Variants in GLB1L2 observed in about 807,000 individuals in gnomAD.
GLB1L2 encodes the protein galactosidase beta 1 like 2.
A neutral mutation model predicts 84.1 loss-of-function variants in GLB1L2; 68 were observed. The observed-to-expected ratio is 0.81, with a 90% confidence interval of 0.67 to 0.99. The LOEUF (loss-of-function observed/expected upper bound fraction) is 0.99. GLB1L2 is among the 50% of genes least tolerant of loss of function. GLB1L2 has a pLI of 0.00. For missense variants in GLB1L2, 762 were observed against 805.6 expected (o/e 0.95, Z 0.66); for synonymous variants, 290 against 318.0 (o/e 0.91, Z 0.94).
At position 134,367,283 on chromosome 11, in the gene GLB1L2, G is replaced by C. The variant is rs1175272930; in HGVS notation, c.831G>C (p.Glu277Asp). Residue 277 changes from glutamate to aspartate, a missense_variant, in exon 9 of 19, where the codon GAG becomes GAC. By Grantham distance (45) the Glu-to-Asp change is conservative. Coordinates refer to ENST00000535456, the MANE Select transcript of GLB1L2 (RefSeq NM_001370461.1). ...VQGTQPKMVMEYWTGWFDSWG... is the reference protein window; with the variant it reads ...VQGTQPKMVMDYWTGWFDSWG... ...GGACTCAGCCCAAGATGGTGATGGA[G>C]TACTGGACGGGGTGGTTTGACTCGT... The C allele has an allele frequency of 6.2e-7, 1 of 1,614,164 alleles. No homozygotes were observed. Among genetic ancestry groups the C allele is most frequent in the Non-Finnish European group, 8.5e-7 (1 of 1,180,008 alleles).
chr11:134,359,794 C>G (rs966133550), intron 7 of GLB1L2: 15 of 152,414 alleles, frequency 9.8e-5, no homozygotes, highest in African/African-American at 3.4e-4. Flanking sequence ...CCTAGCTGAG[C>G]TCACCTCCTG....
At chr11:134,367,503 C>T (rs944064030) in intron 9 of GLB1L2, among the ~76,000 whole-genome samples, 162 bp downstream of exon 9, 4 of 152,178 alleles carry the variant, frequency 2.6e-5, no homozygotes, top group African/African-American at 4.8e-5. Flanking sequence ...TTTGTCTTGA[C>T]ACTTGGATGA....
chr11:134,349,708 C>T (rs1163455758), intron 5 of GLB1L2, among the ~76,000 whole-genome samples: 1 of 152,162 alleles, frequency 6.6e-6, no homozygotes, highest in Non-Finnish European at 1.5e-5. Flanking sequence ...CTTTCATGTG[C>T]TGATTGGTCT....
chr11:134,356,923 G>T (rs1189620820), intron 6 of GLB1L2, among the ~76,000 whole-genome samples: 1 of 152,228 alleles, frequency 6.6e-6, no homozygotes, highest in Non-Finnish European at 1.5e-5. Flanking sequence ...TCTGCTTTCT[G>T]TCCCTTAGTA....
chr11:134,345,885 G>A lies in GLB1L2; in HGVS notation c.449+756G>A, dbSNP rs902558408. 5.9e-4 allele frequency among the ~76,000 whole-genome samples: 90 copies of A among 152,188 alleles called. 1 individual carries two copies. Among genetic ancestry groups the A allele is most frequent in the Admixed American group, 3.3e-4 (5 of 15,286 alleles). On this transcript the variant is annotated intron_variant, in intron 4 of 18. Coordinates refer to ENST00000535456, the MANE Select transcript of GLB1L2 (RefSeq NM_001370461.1). ...GTTTTGTCTTCCTATCTCGGCCCAC[G>A]TGTGTCATCTTCCCAGTGCTAGTCT...
chr11:134,348,747 CAAAG>C (rs1379434739), intron 5 of GLB1L2, among the ~76,000 whole-genome samples: 2 of 152,136 alleles, frequency 1.3e-5, no homozygotes, highest in African/African-American at 2.4e-5. Flanking sequence ...GGCTTACAGA[CAAAG>C]AAATTCATTT....
chr11:134,368,560 G>A (rs918904275), intron 9 of GLB1L2, 84 bp from the exon 10 acceptor site: 9 of 1,459,846 alleles, frequency 6.2e-6, no homozygotes, highest in Non-Finnish European at 8.5e-6. Flanking sequence ...GGTGGGACTG[G>A]GAAAGAGGAG....
chr11:134,354,930 C>T (rs1043268778), intron 5 of GLB1L2, among the ~76,000 whole-genome samples: 51 of 152,206 alleles, frequency 3.4e-4, no homozygotes, highest in African/African-American at 1.2e-3. Flanking sequence ...AATAATCTCC[C>T]TGCCCTTTTA....
intron 5 of GLB1L2, among the ~76,000 whole-genome samples, chr11:134,353,175 G>A (rs1943656236): frequency 6.6e-6 from 1 of 152,050 alleles, no homozygotes; most frequent in Non-Finnish European, 1.5e-5. Context: ...TTGGGAGGCC[G>A]AGGCAAGTGG....
In GLB1L2 at chr11:134,334,879, C is replaced by G. The variant is rs555930946; in HGVS notation, c.86+2732C>G. 3.9e-5 allele frequency among the ~76,000 whole-genome samples: 6 copies of G among 152,302 alleles called. No homozygotes were observed. The East Asian group carries it at 1.2e-3, about 29-fold the overall frequency. ...GCCTTTCATTCTCTTCCTATTCGCA[C>G]TCCATGAACACAAGAATGCCTGCTT... On this transcript the variant is annotated intron_variant, in intron 1 of 18. Coordinates refer to ENST00000535456, the MANE Select transcript of GLB1L2 (RefSeq NM_001370461.1). The surrounding 1 kb of genome is among the most constrained non-coding windows in gnomAD (Gnocchi z 4.1).
rs1174717890 is a variant in GLB1L2 at position 134,339,095 on chromosome 11, A to G, written c.87-3659A>G. 6.6e-6 allele frequency among the ~76,000 whole-genome samples: 1 copy of G among 152,172 alleles called. No homozygotes were observed. Among genetic ancestry groups the G allele is most frequent in the Non-Finnish European group, 1.5e-5 (1 of 68,016 alleles). ...CAGGTGTTCCTGGTTTCATCAGATA[A>G]AGGTCCATCGTGGATGAACTGCTCC... On this transcript the variant is annotated intron_variant, in intron 1 of 18. Transcript: ENST00000535456. The surrounding 1 kb of genome is among the most constrained non-coding windows in gnomAD (Gnocchi z 5.7).
chr11:134,374,772 C>T, intron 18 of GLB1L2, 54 bp downstream of exon 18: 1 of 1,444,052 alleles, frequency 6.9e-7, no homozygotes, highest in Non-Finnish European at 9.7e-7. Flanking sequence ...CACCTGCCGT[C>T]CCAGGGAGCC....
chr11:134,333,816 A>G (rs980175511), intron 1 of GLB1L2, among the ~76,000 whole-genome samples: 1 of 152,216 alleles, frequency 6.6e-6, no homozygotes, highest in African/African-American at 2.4e-5. Flanking sequence ...AAAGAGCTGC[A>G]ACCAAATTCT....
intron 4 of GLB1L2, 40 bp from the exon 5 acceptor site, chr11:134,347,285 T>C (rs766599459): frequency 8.0e-6 from 12 of 1,491,626 alleles, no homozygotes; most frequent in Non-Finnish European, 1.1e-5. Flanking sequence ...AAACCCACTG[T>C]GACACTAACA....
chr11:134,350,656 G>C (rs1943614605), intron 5 of GLB1L2, among the ~76,000 whole-genome samples: 1 of 152,178 alleles, frequency 6.6e-6, no homozygotes, highest in African/African-American at 2.4e-5. Flanking sequence ...TTAAAATTTC[G>C]TGTTCCAGCA....
chr11:134,362,636 G>A (rs547897326), intron 7 of GLB1L2, among the ~76,000 whole-genome samples: 4 of 152,330 alleles, frequency 2.6e-5, no homozygotes, highest in East Asian at 1.9e-4. Context: ...GGGCCAGGCC[G>A]GCGGTGGACA....
chr11:134,367,423 A>T (rs1943880614), intron 9 of GLB1L2, 82 bp downstream of exon 9: 1 of 1,174,346 alleles, frequency 8.5e-7, no homozygotes, highest in Admixed American at 1.9e-5. Context: ...TAACTAATGT[A>T]AGCCATAGGG....
At chr11:134,335,303 G>C (rs1943367064) in intron 1 of GLB1L2, among the ~76,000 whole-genome samples, 1 of 151,772 alleles carries the variant, frequency 6.6e-6, no homozygotes. Flanking sequence ...CTCTCCTCTG[G>C]AGCTTCTGGG....
chr11:134,369,083 C>T (rs950754211), intron 10 of GLB1L2, among the ~76,000 whole-genome samples: 9 of 152,132 alleles, frequency 5.9e-5, no homozygotes, highest in African/African-American at 2.2e-4. Flanking sequence ...CCCTCCCTGC[C>T]CAGGCCCTTG....
Sources: gnomAD v4.1 joint callset for allele counts (sites outside exome capture counted in the v4.1 genomes callset) on GRCh38, gnomAD v4.1.1 for gene constraint, Gnocchi (gnomAD v3.1) non-coding constraint, MANE v1.5 for transcripts, NCBI Gene and HGNC (gene_info 2026-07-23, HGNC 2026-07-21) for gene names.